RAB3D: variants seen among roughly 807,000 people sequenced by gnomAD.
RAB3D encodes ras-related protein Rab-3D.
A neutral mutation model predicts 19.3 loss-of-function variants in RAB3D; 17 were observed. The observed-to-expected ratio is 0.88, with a 90% CI of 0.60 to 1.32. RAB3D has a LOEUF of 1.32. RAB3D is among the 40% of genes most tolerant of loss of function. The pLI is 0.00. For missense variants in RAB3D, 223 were observed against 299.1 expected (o/e 0.75, Z 1.88); for synonymous variants, 103 against 119.9 (o/e 0.86, Z 0.92).
intron 3 of RAB3D, 43 bp from the exon 4 acceptor site, chr19:11,335,614 G>A (rs1274993653): frequency 6.2e-7 from 1 of 1,613,624 alleles, no homozygotes; most frequent in Non-Finnish European, 8.5e-7. Context: ...GGGGGGTTAG[G>A]GGTCAGAGGA....
chr19:11,335,409 T>C (rs1218093737), intron 4 of RAB3D, 38 bp downstream of exon 4: 3 of 1,611,614 alleles, frequency 1.9e-6, no homozygotes, highest in South Asian at 1.1e-5. Context: ...GGTTTGGTTC[T>C]GGGAGACCAG....
At chr19:11,333,469 A>C (rs183703218) in intron 4 of RAB3D, among the ~76,000 whole-genome samples, 19 of 152,268 alleles carry the variant, frequency 1.2e-4, no homozygotes, top group African/African-American at 4.6e-4. Flanking sequence ...GTAAAACAAA[A>C]AAGTAGCCAA....
At chr19:11,330,934 T>G (rs753826014) in intron 4 of RAB3D, among the ~76,000 whole-genome samples, 3 of 151,608 alleles carry the variant, frequency 2.0e-5, no homozygotes, top group Non-Finnish European at 2.9e-5. Context: ...GAGGATCACT[T>G]GAGCCCAGGA....
intron 1 of RAB3D, among the ~76,000 whole-genome samples, 165 bp downstream of exon 1, chr19:11,339,304 T>A (rs1207705013): frequency 6.6e-6 from 1 of 152,158 alleles, no homozygotes; most frequent in Non-Finnish European, 1.5e-5. Flanking sequence ...CATCACCATA[T>A]GGTCCCAACG....
At chr19:11,328,283 G>C (rs1158897317) in intron 4 of RAB3D, among the ~76,000 whole-genome samples, 3 of 145,504 alleles carry the variant, frequency 2.1e-5, no homozygotes, top group Non-Finnish European at 1.5e-5. Flanking sequence ...GCAGTGAGCC[G>C]AGATTGTGCC....
chr19:11,325,800 G>A (rs117570571), intron 4 of RAB3D, among the ~76,000 whole-genome samples: 5,961 of 152,242 alleles, frequency 0.039, 182 homozygotes, highest in Non-Finnish European at 0.057. Context: ...CAGGCCAGGC[G>A]CAGGGGCTTA....
intron 4 of RAB3D, chr19:11,326,913 T>C (rs2080817097): frequency 1.9e-6 from 1 of 536,682 alleles, no homozygotes; most frequent in South Asian, 2.4e-5. Context: ...CTGGGCTTCC[T>C]GCATCCTTTT....
rs1381876641 is a variant in RAB3D, at chr19:11,322,822, C to A, written c.*2576G>T. ...AAATGCAGTCAAAGCTGTTTCTCAT[C>A]ACACAGGTGATTACAGGTTAGCTCT... On this transcript the variant is annotated 3_prime_UTR_variant, in exon 5 of 5. Transcript: ENST00000222120. 1 of 152,212 alleles carries A rather than the reference C, an allele frequency of 6.6e-6. No individual in the cohort carries two copies. Among genetic ancestry groups the A allele is most frequent in the African/African-American group, 2.4e-5 (1 of 41,456 alleles). The allele number at this position is 152,212 out of a possible 1,614,324, so 9.4% of individuals were successfully genotyped here. A position where few individuals can be genotyped will look rare whatever the true frequency, so the allele number is the denominator to read the frequency against.
chr19:11,331,373 A>T (rs1183926924), intron 4 of RAB3D, among the ~76,000 whole-genome samples: 3 of 151,330 alleles, frequency 2.0e-5, no homozygotes, highest in African/African-American at 7.3e-5. Context: ...AATTTCATAT[A>T]AATTTCCCAT....
rs369596480 is a variant in RAB3D, at chr19:11,334,995, C to T, written c.472+452G>A. Among the ~76,000 whole-genome samples, 57 of 152,106 alleles carry T rather than the reference C, an allele frequency of 3.7e-4. 2 individuals are homozygous for T. The South Asian group carries it at 8.9e-3, about 24-fold the overall frequency. On this transcript the variant is annotated intron_variant, in intron 4 of 4. Coordinates refer to ENST00000222120, the MANE Select transcript of RAB3D (RefSeq NM_004283.4). ...TCGCGCCACTGCACTTCAGCCTGGGCGACAGAGCGAGACTCCGTCTCAAAA... is the reference window on the plus strand; with the variant it reads ...TCGCGCCACTGCACTTCAGCCTGGGTGACAGAGCGAGACTCCGTCTCAAAA...
chr19:11,325,426 G>GGGGGGGGGCC lies in RAB3D; in HGVS notation c.631_632insGGCCCCCCCC (p.Ala211GlyfsTer31). The GGGGGGGGGCC allele has an allele frequency of 1.2e-6, 1 of 825,490 alleles. No homozygotes were observed. The highest frequency in any genetic ancestry group is 1.8e-6 in the Non-Finnish European group (1 of 553,952). 51.1% of individuals were successfully genotyped at this position (825,490 alleles called of 1,614,324 possible). A position where few individuals can be genotyped will look rare whatever the true frequency, so the allele number is the denominator to read the frequency against. On this transcript the variant is annotated frameshift_variant, in exon 5 of 5. Transcript: ENST00000222120. LOFTEE classifies it high-confidence loss of function. ...GCAGCTGCAGCTGCTGGGCTGGGGG[G>GGGGGGGGGCC]CTGGAGCATCCCCCACGGCCGGGCC...
chr19:11,326,797 T>TG (rs150288932), intron 4 of RAB3D: 102,682 of 694,628 alleles, frequency 0.15, 9,479 homozygotes, highest in Non-Finnish European at 0.2. Context: ...TTTGTAGAGG[T>TG]GGGGGTCTCG....
intron 1 of RAB3D, 107 bp from the exon 2 acceptor site, chr19:11,337,567 GC>G: frequency 1.6e-6 from 1 of 613,676 alleles, no homozygotes; most frequent in South Asian, 1.9e-5. Context: ...TGCATCGCTT[GC>G]CCCCTCTAGA....
chr19:11,337,008 C>G (rs868484441), intron 2 of RAB3D, among the ~76,000 whole-genome samples, 164 bp downstream of exon 2: 1 of 150,164 alleles, frequency 6.7e-6, no homozygotes, highest in African/African-American at 2.5e-5. Context: ...GCAGGAGAAT[C>G]GCTTGAACCC....
At position 11,325,164 on chromosome 19, in the gene RAB3D, C is replaced by T. The variant is rs1269346633; in HGVS notation, c.*234G>A. 6 of 481,918 alleles carry T rather than the reference C, an allele frequency of 1.2e-5. No individual in the cohort carries two copies. The highest frequency in any genetic ancestry group is 1.2e-4 in the African/African-American group (6 of 51,546). The allele number at this position is 481,918 out of a possible 1,614,324, so 29.9% of individuals were successfully genotyped here. A position where few individuals can be genotyped will look rare whatever the true frequency, so the allele number is the denominator to read the frequency against. ...CTCATGCACGTCAGTGTCCCTGGGC[C>T]TCTGCCTGCCATGCAGAGCTGAGTC... On this transcript the variant is annotated 3_prime_UTR_variant, in exon 5 of 5. Transcript: ENST00000222120.
At chr19:11,336,942 C>G (rs564210375) in intron 2 of RAB3D, among the ~76,000 whole-genome samples, 1 of 150,142 alleles carries the variant, frequency 6.7e-6, no homozygotes, top group African/African-American at 2.5e-5. Flanking sequence ...TGTGCTCCAG[C>G]CTGGGCGACA....
chr19:11,324,259 G>GAA lies in RAB3D; in HGVS notation c.*1137_*1138dup, dbSNP rs561740577. On this transcript the variant is annotated 3_prime_UTR_variant, in exon 5 of 5. Coordinates refer to ENST00000222120, the MANE Select transcript of RAB3D (RefSeq NM_004283.4). ...TGACAGAGCCAGACCATCTCAAAAAGAAAAAAAAAAAAAAAGAAGTGACTC... is the reference window on the plus strand; with the variant it reads ...TGACAGAGCCAGACCATCTCAAAAAGAAAAAAAAAAAAAAAAAGAAGTGACTC... 1.2e-4 allele frequency: 12 copies of GAA among 102,600 alleles called. No individual in the cohort carries two copies. The highest frequency in any genetic ancestry group is 3.3e-4 in the South Asian group (1 of 3,032). The allele number at this position is 102,600 out of a possible 1,614,324, so 6.4% of individuals were successfully genotyped here. A position where few individuals can be genotyped will look rare whatever the true frequency, so the allele number is the denominator to read the frequency against.
In RAB3D at chr19:11,324,511, C is replaced by T. The variant is rs1487482491; in HGVS notation, c.*887G>A. On this transcript the variant is annotated 3_prime_UTR_variant, in exon 5 of 5. Coordinates refer to ENST00000222120, the MANE Select transcript of RAB3D (RefSeq NM_004283.4). ...AAACACAACCAGCTAAACAGCTAAA[C>T]AGGGCCTGGGAGGGAGGCCCCAGCC... The T allele has an allele frequency of 7.2e-6, 1 of 138,432 alleles. No homozygotes were observed. Among genetic ancestry groups the T allele is most frequent in the East Asian group, 2.0e-4 (1 of 5,070 alleles). 8.6% of individuals were successfully genotyped at this position (138,432 alleles called of 1,614,324 possible).
intron 2 of RAB3D, 142 bp downstream of exon 2, chr19:11,337,030 G>A (rs1418953806): frequency 3.0e-6 from 2 of 674,938 alleles, no homozygotes; most frequent in African/African-American, 3.6e-5. Flanking sequence ...GGAGATGGAG[G>A]TTGCAGTGAG....
Sources: gnomAD v4.1 joint callset for allele counts (sites outside exome capture counted in the v4.1 genomes callset) on GRCh38, gnomAD v4.1.1 for gene constraint, MANE v1.5 for transcripts, NCBI Gene and HGNC (gene_info 2026-07-23, HGNC 2026-07-21) for gene names.